The following BLTP3B variants were observed in gnomAD, a reference collection of about 807,000 sequenced individuals.
BLTP3B encodes the protein UHRF1 (ICBP90) binding protein 1-like.
the BLTP3B span, among the ~76,000 whole-genome samples, chr12:100,109,062 C>A: frequency 6.6e-6 from 1 of 151,942 alleles, no homozygotes; most frequent in Admixed American, 6.6e-5. Context: ...GGGGAAGGAG[C>A]TGGTGGGAGG....
the BLTP3B span, chr12:100,088,909 T>C: frequency 2.6e-6 from 4 of 1,539,600 alleles, no homozygotes; most frequent in South Asian, 3.8e-5. Context: ...AAGCAAGTTA[T>C]TTTACCTTTT....
At chr12:100,121,898 T>C in the BLTP3B span, among the ~76,000 whole-genome samples, 2 of 152,202 alleles carry the variant, frequency 1.3e-5, no homozygotes, top group African/African-American at 2.4e-5. Flanking sequence ...TCAGTTATAT[T>C]TTAATAAAGC....
the BLTP3B span, among the ~76,000 whole-genome samples, chr12:100,098,079 C>T: frequency 6.6e-6 from 1 of 151,916 alleles, no homozygotes; most frequent in East Asian, 1.9e-4. Flanking sequence ...TAGGCAGGCG[C>T]AGTAGTACAT....
At chr12:100,081,712 C>A in the BLTP3B span, among the ~76,000 whole-genome samples, 1 of 152,166 alleles carries the variant, frequency 6.6e-6, no homozygotes, top group East Asian at 1.9e-4. Flanking sequence ...ATAATGGCCT[C>A]CAGCTGCATC....
At chr12:100,048,804 G>A in the BLTP3B span, among the ~76,000 whole-genome samples, 22 of 150,504 alleles carry the variant, frequency 1.5e-4, no homozygotes, top group Admixed American at 2.7e-4. Flanking sequence ...GTGTGTGTGT[G>A]TGTGTGTAAA....
At chr12:100,074,314 C>T in the BLTP3B span, among the ~76,000 whole-genome samples, 1 of 152,046 alleles carries the variant, frequency 6.6e-6, no homozygotes, top group Admixed American at 6.6e-5. Flanking sequence ...TCTACAAGAA[C>T]TGGGCCAGGC....
chr12:100,082,684 G>A, the BLTP3B span, among the ~76,000 whole-genome samples: 13 of 152,260 alleles, frequency 8.5e-5, no homozygotes, highest in South Asian at 2.1e-4. Flanking sequence ...CGACTTTGTC[G>A]AAGATCACAT....
chr12:100,136,810 C>CTT, the BLTP3B span, among the ~76,000 whole-genome samples: 26 of 147,832 alleles, frequency 1.8e-4, no homozygotes, highest in African/African-American at 6.2e-4. Context: ...TCTTTTTTTT[C>CTT]TTTTTTTTTA....
chr12:100,134,184 G>A, the BLTP3B span, among the ~76,000 whole-genome samples: 1 of 152,002 alleles, frequency 6.6e-6, no homozygotes, highest in Admixed American at 6.6e-5. Flanking sequence ...CTCACAATTC[G>A]CTTCCCAGTA....
the BLTP3B span, among the ~76,000 whole-genome samples, chr12:100,120,662 C>G: frequency 1.3e-5 from 2 of 152,160 alleles, no homozygotes; most frequent in African/African-American, 4.8e-5. Context: ...CTTTGGAAAG[C>G]TGTTTGGAAT....
the BLTP3B span, among the ~76,000 whole-genome samples, chr12:100,136,498 T>C: frequency 6.6e-6 from 1 of 152,186 alleles, no homozygotes; most frequent in African/African-American, 2.4e-5. Context: ...GTATCTCTAA[T>C]GCCCACTATG....
At chr12:100,079,284 A>C in the BLTP3B span, among the ~76,000 whole-genome samples, 3 of 152,184 alleles carry the variant, frequency 2.0e-5, no homozygotes, top group African/African-American at 7.2e-5. Context: ...GAAAGTTTGG[A>C]ATTTCCTGAG....
At chr12:100,057,833 AT>A in the BLTP3B span, 4 of 1,323,212 alleles carry the variant, frequency 3.0e-6, no homozygotes, top group Non-Finnish European at 4.1e-6. Flanking sequence ...AAATATGTAT[AT>A]AGCATCCATA....
At chr12:100,057,850 A>G in the BLTP3B span, 2 of 1,311,680 alleles carry the variant, frequency 1.5e-6, no homozygotes, top group South Asian at 2.9e-5. Flanking sequence ...CCATAGCTGA[A>G]ATTATATTTA....
At chr12:100,058,908 G>A in the BLTP3B span, 1 of 1,613,902 alleles carries the variant, frequency 6.2e-7, no homozygotes, top group Non-Finnish European at 8.5e-7. Flanking sequence ...AAATGTATCT[G>A]ATGAAGAAGG....
At chr12:100,053,527 G>A in the BLTP3B span, among the ~76,000 whole-genome samples, 1 of 152,168 alleles carries the variant, frequency 6.6e-6, no homozygotes, top group Non-Finnish European at 1.5e-5. Context: ...GTGTTTATAT[G>A]TGTTCATAAA....
chr12:100,113,714 T>C, the BLTP3B span, among the ~76,000 whole-genome samples: 2 of 151,944 alleles, frequency 1.3e-5, no homozygotes, highest in African/African-American at 2.4e-5. Flanking sequence ...TCCCAGCACT[T>C]TGGGAGGCCA....
chr12:100,058,624 G>T, the BLTP3B span: 4 of 1,613,892 alleles, frequency 2.5e-6, no homozygotes, highest in East Asian at 2.2e-5. Context: ...TCAGAAACAG[G>T]AGACTTAAGA....
the BLTP3B span, among the ~76,000 whole-genome samples, chr12:100,096,049 G>A: frequency 7.2e-5 from 11 of 152,130 alleles, no homozygotes; most frequent in Admixed American, 1.3e-4. Context: ...GTCAGGAGGT[G>A]AAGACCAGCC....
Sources: allele counts gnomAD v4.1 joint callset (sites outside exome capture counted in the v4.1 genomes callset), GRCh38; gene constraint gnomAD v4.1.1; transcripts MANE v1.5; gene names NCBI Gene and HGNC (gene_info 2026-07-23, HGNC 2026-07-21).